Variants in RGS3 observed in about 807,000 individuals in gnomAD.
RGS3 encodes regulator of G protein signaling 3.
In RGS3, 80 loss-of-function variants were observed where a neutral mutation model predicts 132.6. That is an observed-to-expected ratio of 0.60 (90% CI 0.50 to 0.73). The LOEUF is 0.73. Ranked by LOEUF, RGS3 falls within the 30% of genes least tolerant of loss-of-function variation. The probability of loss-of-function intolerance (pLI) is 0.00; values close to 1 mark genes in which losing one functional copy is unlikely to be tolerated. For missense variants in RGS3, 1,382 were observed against 1,530.8 expected (o/e 0.90, Z 1.62); for synonymous variants, 598 against 620.6 (o/e 0.96, Z 0.54).
chr9:113,529,116 G>A (rs1010029877), intron 17 of RGS3, 105 bp from the exon 16 acceptor site: 2 of 860,572 alleles, frequency 2.3e-6, no homozygotes, highest in Non-Finnish European at 4.0e-6. Context: ...TTCCCAGGAG[G>A]TGCCACACAC....
At chr9:113,477,470 T>C (rs961972633) in intron 3 of RGS3, among the ~76,000 whole-genome samples, 1 of 152,126 alleles carries the variant, frequency 6.6e-6, no homozygotes, top group Admixed American at 6.5e-5. Flanking sequence ...TTGGTGGACT[T>C]ATGCAGAGTT....
chr9:113,572,946 C>A (rs988613066), intron 19 of RGS3, among the ~76,000 whole-genome samples: 1 of 152,226 alleles, frequency 6.6e-6, no homozygotes, highest in Non-Finnish European at 1.5e-5. Flanking sequence ...GTGCCCTGTC[C>A]CGGAATTGGA....
intron 17 of RGS3, among the ~76,000 whole-genome samples, chr9:113,528,515 T>C (rs1482987507): frequency 6.6e-6 from 1 of 152,254 alleles, no homozygotes; most frequent in Admixed American, 6.5e-5. Context: ...CTGGTCCTCC[T>C]GCTTCTGAAG....
chr9:113,471,854 C>A (rs1156908718), intron 3 of RGS3, among the ~76,000 whole-genome samples: 1 of 152,142 alleles, frequency 6.6e-6, no homozygotes, highest in Admixed American at 6.5e-5. Flanking sequence ...CGTAGGATTG[C>A]TTGAGCTTCC....
chr9:113,539,953 G>A (rs1832836049), intron 19 of RGS3, among the ~76,000 whole-genome samples: 1 of 152,168 alleles, frequency 6.6e-6, no homozygotes, highest in Non-Finnish European at 1.5e-5. Flanking sequence ...AGTCCCATCT[G>A]GGCACTGGGC....
chr9:113,475,673 G>A (rs1437804369), intron 3 of RGS3, among the ~76,000 whole-genome samples: 1 of 149,068 alleles, frequency 6.7e-6, no homozygotes, highest in Non-Finnish European at 1.5e-5. Flanking sequence ...GCCTCCCAAA[G>A]TGCTGGGATT....
chr9:113,569,643 C>CCTTCCTTCCT (rs1564584423), intron 19 of RGS3, among the ~76,000 whole-genome samples: 6 of 62,676 alleles, frequency 9.6e-5, no homozygotes, highest in East Asian at 1.2e-3. Flanking sequence ...CCTTCCTTCC[C>CCTTCCTTCCT]TCCTTCCTTC....
chr9:113,446,461 A>G (rs1444922708), intron 1 of RGS3, among the ~76,000 whole-genome samples: 1 of 152,238 alleles, frequency 6.6e-6, no homozygotes, highest in Non-Finnish European at 1.5e-5. Flanking sequence ...TGAAAATGAC[A>G]TGCTTTCCTT....
Position 113,591,456 on chromosome 9 carries a change from T to C in RGS3, c.3080+59T>C. The C allele has an allele frequency of 6.8e-7, 1 of 1,479,172 alleles. No individual in the cohort carries two copies. Among genetic ancestry groups the C allele is most frequent in the Non-Finnish European group, 9.4e-7 (1 of 1,058,542 alleles). The allele number at this position is 1,479,172 out of a possible 1,614,324, so 91.6% of individuals were successfully genotyped here. Reference sequence around the variant, plus strand: ...TCTTCCTCCCTTGCCCCAGGGCTTGTCTCTCCTCTAGGGGTCCAGGTGGGG... The same window carrying C: ...TCTTCCTCCCTTGCCCCAGGGCTTGCCTCTCCTCTAGGGGTCCAGGTGGGG... On this transcript the variant is annotated intron_variant, in intron 21 of 24. Coordinates refer to ENST00000350696, the Ensembl canonical transcript of RGS3. This position sits in a 1 kb window ranked among gnomAD's most constrained non-coding sequence, Gnocchi z 4.4.
chr9:113,507,179 T>A lies in RGS3; in HGVS notation c.1086-108T>A. 1 of 866,716 alleles carries A rather than the reference T, an allele frequency of 1.2e-6. No homozygotes were observed. The highest frequency in any genetic ancestry group is 1.8e-5 in the South Asian group (1 of 56,842). 53.7% of individuals were successfully genotyped at this position (866,716 alleles called of 1,614,324 possible). A position where few individuals can be genotyped will look rare whatever the true frequency, so the allele number is the denominator to read the frequency against. ...CTGACACTGGGGGCTTCCCCTCTGG[T>A]GTCTGCCTCCTCTTCCCCCATTATC... On this transcript the variant is annotated intron_variant, in intron 12 of 24. Transcript: ENST00000350696. This position sits in a 1 kb window ranked among gnomAD's most constrained non-coding sequence, Gnocchi z 5.0.
rs946244209 is a variant in RGS3, at chr9:113,597,252, G to A, written c.*299G>A. Reference sequence around the variant, plus strand: ...TGCTGCTCCCTGCTGCGGAGACCGCGGAGGCTTCGCGTTGACCAAGTTCCT... The same window carrying A: ...TGCTGCTCCCTGCTGCGGAGACCGCAGAGGCTTCGCGTTGACCAAGTTCCT... On this transcript the variant is annotated 3_prime_UTR_variant, in exon 25 of 25. Coordinates refer to ENST00000350696, the Ensembl canonical transcript of RGS3. The A allele has an allele frequency of 7.6e-5, 22 of 289,456 alleles. No individual in the cohort carries two copies. The East Asian group carries it at 1.0e-3, about 13-fold the overall frequency. 17.9% of individuals were successfully genotyped at this position (289,456 alleles called of 1,614,324 possible).
intron 4 of RGS3, among the ~76,000 whole-genome samples, chr9:113,481,035 A>T (rs180842759): frequency 6.6e-6 from 1 of 152,264 alleles, no homozygotes; most frequent in African/African-American, 2.4e-5. Flanking sequence ...CCTGCTGTTC[A>T]CTGTGCCTGG....
intron 19 of RGS3, among the ~76,000 whole-genome samples, chr9:113,569,962 T>A (rs4979254): frequency 0.8 from 120,937 of 152,060 alleles, 48,292 homozygotes; most frequent in East Asian, 0.95. Flanking sequence ...TGTAGACATG[T>A]TTCCCGCCTA....
chr9:113,481,328 GTTCA>G (rs1830152931), intron 4 of RGS3, among the ~76,000 whole-genome samples: 1 of 152,212 alleles, frequency 6.6e-6, no homozygotes, highest in Admixed American at 6.5e-5. Context: ...ACTGGGTGTG[GTTCA>G]TTGTCACTGC....
At chr9:113,552,344 TCTCA>T (rs1833374317) in intron 19 of RGS3, among the ~76,000 whole-genome samples, 1 of 152,156 alleles carries the variant, frequency 6.6e-6, no homozygotes, top group Admixed American at 6.5e-5. Flanking sequence ...TGAGACGGAG[TCTCA>T]CTCTGTCGCC....
At chr9:113,558,465 T>C (rs1344833911) in intron 19 of RGS3, among the ~76,000 whole-genome samples, 1 of 152,078 alleles carries the variant, frequency 6.6e-6, no homozygotes, top group East Asian at 1.9e-4. Context: ...ATTGTGCCAT[T>C]GCACTCCAGC....
chr9:113,565,376 A>T lies in RGS3; in HGVS notation c.2038-18074A>T. 7.8e-7 allele frequency: 1 copy of T among 1,289,992 alleles called. No homozygotes were observed. Among genetic ancestry groups the T allele is most frequent in the South Asian group, 1.2e-5 (1 of 81,528 alleles). 79.9% of individuals were successfully genotyped at this position (1,289,992 alleles called of 1,614,324 possible). ...GCTAGACAGGGTGTGTGTTTGGGAAAGGCGCTGGAGGAGGAGGAAGAGGAG... is the reference window on the plus strand; with the variant it reads ...GCTAGACAGGGTGTGTGTTTGGGAATGGCGCTGGAGGAGGAGGAAGAGGAG... On this transcript the variant is annotated intron_variant, in intron 19 of 24. Transcript: ENST00000350696. This position sits in a 1 kb window ranked among gnomAD's most constrained non-coding sequence, Gnocchi z 5.7.
Position 113,540,331 on chromosome 9 carries a change from AC to A in RGS3, c.2037+3414del, listed in dbSNP as rs201626265. The stretch of plus-strand genomic sequence containing the variant: ...TTCTTTTGATTATTCAAGCAAATAT[AC>A]ATAATAAATGCCTTCTCAGTGCCAG... On this transcript the variant is annotated intron_variant, in intron 19 of 24. Coordinates refer to ENST00000350696, the Ensembl canonical transcript of RGS3. Among the ~76,000 whole-genome samples the A allele has an allele frequency of 7.0e-3, 1,073 of 152,326 alleles. 36 individuals carry two copies. The highest frequency in any genetic ancestry group is 0.059 in the Admixed American group (910 of 15,298).
chr9:113,465,584 T>G (rs1319454685), intron 3 of RGS3, among the ~76,000 whole-genome samples: 1 of 152,126 alleles, frequency 6.6e-6, no homozygotes, highest in Non-Finnish European at 1.5e-5. Context: ...TGTGAATATT[T>G]CCTTGCATTG....
Sources: gnomAD v4.1 joint callset for allele counts (sites outside exome capture counted in the v4.1 genomes callset) on GRCh38, gnomAD v4.1.1 for gene constraint, Gnocchi (gnomAD v3.1) non-coding constraint, MANE v1.5 for transcripts, NCBI Gene and HGNC (gene_info 2026-07-23, HGNC 2026-07-21) for gene names.